The following NSD3 variants were observed in gnomAD, a reference collection of about 807,000 sequenced individuals.
NSD3 encodes the protein histone-lysine N-methyltransferase NSD3.
A neutral mutation model predicts 160.8 loss-of-function variants in NSD3; 24 were observed. The ratio of observed to expected loss-of-function variants is 0.15; its 90% CI spans 0.11 to 0.21. The LOEUF is 0.21. Ranked by LOEUF, NSD3 falls within the 10% of genes least tolerant of loss-of-function variation. The probability of loss-of-function intolerance (pLI) is 1.00; values close to 1 mark genes in which losing one functional copy is unlikely to be tolerated. For missense variants in NSD3, 1,157 were observed against 1,735.9 expected, an observed-to-expected ratio of 0.67 and a Z score of 5.93; for synonymous variants, 520 against 600.0, an observed-to-expected ratio of 0.87 and a Z score of 1.95.
At chr8:38,300,158 TTATATTATA>T (rs138527690) in intron 14 of NSD3, among the ~76,000 whole-genome samples, 8,919 of 152,114 alleles carry the variant, frequency 0.059, 358 homozygotes, top group South Asian at 0.14. Context: ...TTATTTCATT[TTATATTATA>T]TATATATTTT....
intron 5 of NSD3, 96 bp downstream of exon 5, chr8:38,331,335 T>C: frequency 7.5e-7 from 1 of 1,341,304 alleles, no homozygotes; most frequent in Non-Finnish European, 9.8e-7. Flanking sequence ...AAAAAAGGAT[T>C]CTAATAATTA....
At chr8:38,313,593 C>T (rs1403482332) in intron 12 of NSD3, among the ~76,000 whole-genome samples, 1 of 151,818 alleles carries the variant, frequency 6.6e-6, no homozygotes, top group Non-Finnish European at 1.5e-5. Context: ...TCGAGACCAT[C>T]CTGGCTAACA....
At chr8:38,287,887 C>T (rs776929165) in intron 19 of NSD3, among the ~76,000 whole-genome samples, 7 of 152,056 alleles carry the variant, frequency 4.6e-5, no homozygotes, top group African/African-American at 9.7e-5. Context: ...CTCCTGACCT[C>T]GGCTGTGACC....
chr8:38,310,525 G>C (rs1366476211), intron 12 of NSD3, among the ~76,000 whole-genome samples: 1 of 147,714 alleles, frequency 6.8e-6, no homozygotes, highest in African/African-American at 2.5e-5. Flanking sequence ...TTTTTTTTTT[G>C]AGAGAGAGTC....
chr8:38,286,185 G>A (rs1327998526), intron 19 of NSD3, among the ~76,000 whole-genome samples: 1 of 152,108 alleles, frequency 6.6e-6, no homozygotes, highest in African/African-American at 2.4e-5. Context: ...TTCCTGTAGT[G>A]TCTCTCACCC....
intron 1 of NSD3, among the ~76,000 whole-genome samples, chr8:38,357,686 T>C (rs1317184635): frequency 6.6e-6 from 1 of 152,118 alleles, no homozygotes; most frequent in African/African-American, 2.4e-5. Context: ...TTTATGTGAG[T>C]TTTCTTAAGA....
At position 38,317,929 on chromosome 8, in the gene NSD3, T is replaced by A; in HGVS notation, c.1855+966A>T. ...TTGCATGGAGACTACAAGTCTGGAGTTTCTGGGATGAAATTGTACAGGAAT... is the reference window on the plus strand; with the variant it reads ...TTGCATGGAGACTACAAGTCTGGAGATTCTGGGATGAAATTGTACAGGAAT... On this transcript the variant is annotated intron_variant, in intron 9 of 23. Transcript: ENST00000317025. This position sits in a 1 kb window ranked among gnomAD's most constrained non-coding sequence, Gnocchi z 5.3. The A allele has an allele frequency of 6.2e-7, 1 of 1,613,758 alleles. No homozygotes were observed. Among genetic ancestry groups the A allele is most frequent in the Non-Finnish European group, 8.5e-7 (1 of 1,179,908 alleles).
chr8:38,281,733 C>G (rs906191298), intron 19 of NSD3, 150 bp from the exon 20 acceptor site: 10 of 476,196 alleles, frequency 2.1e-5, no homozygotes, highest in Non-Finnish European at 3.6e-5. Flanking sequence ...CATAGGCATT[C>G]AGGTGGCATT....
At chr8:38,362,750 T>C (rs1039558008) in intron 1 of NSD3, among the ~76,000 whole-genome samples, 14 of 152,210 alleles carry the variant, frequency 9.2e-5, no homozygotes, top group African/African-American at 3.4e-4. Context: ...AACAGTGGGA[T>C]ATTATGACAC....
chr8:38,374,536 T>A (rs966853277), intron 1 of NSD3, among the ~76,000 whole-genome samples: 1 of 151,360 alleles, frequency 6.6e-6, no homozygotes, highest in Non-Finnish European at 1.5e-5. Context: ...ACATGAAGAC[T>A]GCTTGAGCCC....
Position 38,318,868 on chromosome 8 carries a change from C to T in NSD3, c.1855+27G>A. ...AAAATTGGTTTTAATCAAGGAAATG[C>T]AAAGCAACATTATAATATTAACTCA... On this transcript the variant is annotated intron_variant, in intron 9 of 23. Coordinates refer to ENST00000317025, the MANE Select transcript of NSD3 (RefSeq NM_023034.2). This position sits in a 1 kb window ranked among gnomAD's most constrained non-coding sequence, Gnocchi z 5.3. The T allele has an allele frequency of 6.3e-7, 1 of 1,598,786 alleles. No individual in the cohort carries two copies. The highest frequency in any genetic ancestry group is 8.5e-7 in the Non-Finnish European group (1 of 1,173,858).
At chr8:38,366,708 A>G (rs1811115450) in intron 1 of NSD3, among the ~76,000 whole-genome samples, 1 of 152,100 alleles carries the variant, frequency 6.6e-6, no homozygotes, top group Non-Finnish European at 1.5e-5. Context: ...CAACGTGCCC[A>G]GCCTATATCT....
At chr8:38,278,966 A>G (rs1386330900) in intron 21 of NSD3, among the ~76,000 whole-genome samples, 1 of 152,256 alleles carries the variant, frequency 6.6e-6, no homozygotes, top group African/African-American at 2.4e-5. Flanking sequence ...TGTTTTAGCT[A>G]TAACATTTCT....
intron 4 of NSD3, 120 bp downstream of exon 4, chr8:38,337,185 A>T: frequency 2.2e-6 from 2 of 889,156 alleles, no homozygotes; most frequent in Non-Finnish European, 3.1e-6. Context: ...ACTGATACGG[A>T]TATGCACATT....
chr8:38,353,306 C>T (rs1810746276), intron 1 of NSD3, among the ~76,000 whole-genome samples: 1 of 152,170 alleles, frequency 6.6e-6, no homozygotes, highest in South Asian at 2.1e-4. Flanking sequence ...TAGCTCACAG[C>T]AACAGACATA....
chr8:38,290,999 A>G (rs892146370), intron 16 of NSD3, among the ~76,000 whole-genome samples: 1 of 152,148 alleles, frequency 6.6e-6, no homozygotes, highest in African/African-American at 2.4e-5. Flanking sequence ...TCAATCCTAG[A>G]AAAGTCATGT....
intron 16 of NSD3, among the ~76,000 whole-genome samples, chr8:38,291,180 T>C (rs1195897602): frequency 6.6e-6 from 1 of 152,342 alleles, no homozygotes; most frequent in East Asian, 1.9e-4. Flanking sequence ...TGGTCAAATG[T>C]ACTAGGTTTT....
At chr8:38,293,638 T>C (rs1240839050) in intron 16 of NSD3, among the ~76,000 whole-genome samples, 1 of 151,594 alleles carries the variant, frequency 6.6e-6, no homozygotes, top group Admixed American at 6.6e-5. Flanking sequence ...AAATATATTT[T>C]AGAGCCGGGC....
chr8:38,313,585 G>A (rs1018804865), intron 12 of NSD3, among the ~76,000 whole-genome samples: 10 of 152,042 alleles, frequency 6.6e-5, no homozygotes, highest in Non-Finnish European at 8.8e-5. Flanking sequence ...TCAGGAAATC[G>A]AGACCATCCT....
Sources: allele counts gnomAD v4.1 joint callset (sites outside exome capture counted in the v4.1 genomes callset), GRCh38; gene constraint gnomAD v4.1.1; non-coding constraint Gnocchi (gnomAD v3.1); transcripts MANE v1.5; gene names NCBI Gene and HGNC (gene_info 2026-07-23, HGNC 2026-07-21).